ST3GAL3: variants seen among roughly 807,000 people sequenced by gnomAD.
ST3GAL3 encodes the protein CMP-N-acetylneuraminate-beta-1,4-galactoside alpha-2,3-sialyltransferase.
In ST3GAL3, 21 loss-of-function variants were observed where a neutral mutation model predicts 50.1. That is an observed-to-expected ratio of 0.42 (90% CI 0.30 to 0.60). The LOEUF (loss-of-function observed/expected upper bound fraction) is 0.60, where lower values mean the gene tolerates loss of function less well. ST3GAL3 is among the 20% of genes least tolerant of loss of function. The pLI is 0.19. For missense variants in ST3GAL3, 353 were observed against 489.4 expected (o/e 0.72, Z 2.63); for synonymous variants, 183 against 190.0 (o/e 0.96, Z 0.30).
chr1:43,920,398 C>T lies in ST3GAL3; in HGVS notation c.745-6C>T. ...TCGTTGAGGCCCGCTTTTGCTGTGT[C>T]CACAGAGTGCATCGGATGGCTTCTG... On this transcript the variant is annotated splice_region_variant and splice_polypyrimidine_tract_variant and intron_variant, in intron 9 of 11. Coordinates refer to ENST00000347631, the MANE Select transcript of ST3GAL3 (RefSeq NM_006279.5). The T allele has an allele frequency of 6.2e-7, 1 of 1,614,140 alleles. No individual in the cohort carries two copies. Among genetic ancestry groups the T allele is most frequent in the Non-Finnish European group, 8.5e-7 (1 of 1,180,014 alleles).
At chr1:43,854,917 T>G (rs1025061008) in intron 5 of ST3GAL3, among the ~76,000 whole-genome samples, 2 of 152,194 alleles carry the variant, frequency 1.3e-5, no homozygotes, top group African/African-American at 4.8e-5. Context: ...CCCTGAGCCC[T>G]GATTCTCCAA....
intron 3 of ST3GAL3, among the ~76,000 whole-genome samples, chr1:43,806,359 T>TG (rs1252377530): frequency 6.6e-6 from 1 of 151,444 alleles, no homozygotes; most frequent in Non-Finnish European, 1.5e-5. Flanking sequence ...AAGAAGGGAG[T>TG]GGCAGGAGAT....
chr1:43,755,367 A>C (rs555811080), intron 2 of ST3GAL3, among the ~76,000 whole-genome samples: 1 of 152,374 alleles, frequency 6.6e-6, no homozygotes, highest in African/African-American at 2.4e-5. Context: ...TGTTGGCTGG[A>C]ATGTGAGACT....
At chr1:43,756,931 G>A (rs996479331) in intron 2 of ST3GAL3, among the ~76,000 whole-genome samples, 5 of 152,008 alleles carry the variant, frequency 3.3e-5, no homozygotes, top group African/African-American at 9.7e-5. Flanking sequence ...TTGAGGCAGG[G>A]TCTCGCTCTG....
At chr1:43,875,685 C>T (rs2073922206) in intron 5 of ST3GAL3, among the ~76,000 whole-genome samples, 1 of 151,990 alleles carries the variant, frequency 6.6e-6, no homozygotes, top group Non-Finnish European at 1.5e-5. Flanking sequence ...TCACCTTCCG[C>T]CATGATTGTG....
chr1:43,877,411 A>G (rs1423220398), intron 5 of ST3GAL3, among the ~76,000 whole-genome samples: 2 of 152,158 alleles, frequency 1.3e-5, no homozygotes, highest in Non-Finnish European at 2.9e-5. Context: ...AGAAACACAC[A>G]GAGGCCACAT....
At chr1:43,726,173 C>G (rs1415200754) in intron 1 of ST3GAL3, among the ~76,000 whole-genome samples, 1 of 152,148 alleles carries the variant, frequency 6.6e-6, no homozygotes, top group African/African-American at 2.4e-5. Context: ...CCATATGTCC[C>G]CTTCAGCTAG....
chr1:43,926,725 C>T lies in ST3GAL3; in HGVS notation c.1039-3407C>T, dbSNP rs148532993. ...GATGACCAGAATCCTCCACCAGCCG[C>T]GGCCAGTTCAAAGCTCAGGTGAACT... On this transcript the variant is annotated intron_variant, in intron 11 of 11. Coordinates refer to ENST00000347631, the MANE Select transcript of ST3GAL3 (RefSeq NM_006279.5). Among the ~76,000 whole-genome samples the T allele has an allele frequency of 1.7e-3, 254 of 152,260 alleles. 1 individual carries two copies. The highest frequency in any genetic ancestry group is 5.7e-3 in the African/African-American group (237 of 41,542).
At chr1:43,710,865 C>T (rs1664385706) in intron 1 of ST3GAL3, among the ~76,000 whole-genome samples, 1 of 152,182 alleles carries the variant, frequency 6.6e-6, no homozygotes, top group South Asian at 2.1e-4. Flanking sequence ...TTAGAGTCTG[C>T]CTTTTTGCGA....
chr1:43,767,193 G>A (rs1693398230), intron 2 of ST3GAL3, among the ~76,000 whole-genome samples: 1 of 152,180 alleles, frequency 6.6e-6, no homozygotes, highest in South Asian at 2.1e-4. Flanking sequence ...GCTTGGAAAG[G>A]CCTTGTGGTG....
intron 2 of ST3GAL3, among the ~76,000 whole-genome samples, chr1:43,789,493 C>T: frequency 6.6e-6 from 1 of 152,024 alleles, no homozygotes; most frequent in East Asian, 1.9e-4. Context: ...GTGAATTATA[C>T]CTCAATAAAG....
At position 43,837,356 on chromosome 1, in the gene ST3GAL3, G is replaced by T. The variant is rs201821758; in HGVS notation, c.210-863G>T. Among the ~76,000 whole-genome samples, 3 of 129,544 alleles carry T rather than the reference G, an allele frequency of 2.3e-5. No individual in the cohort carries two copies. In the South Asian group the frequency reaches 7.4e-4, roughly 32 times the overall value. The allele number at this position is 129,544 out of a possible 152,430, so 85.0% of individuals were successfully genotyped here. On this transcript the variant is annotated intron_variant, in intron 4 of 11. Transcript: ENST00000347631. ...GGAATAACATTCCAGGCAGAGAGAG[G>T]AAACCATCCTCAACTAAAAGTCTAA...
chr1:43,734,946 T>A (rs1677740841), intron 1 of ST3GAL3, among the ~76,000 whole-genome samples: 1 of 151,962 alleles, frequency 6.6e-6, no homozygotes, highest in Non-Finnish European at 1.5e-5. Flanking sequence ...ATGCATCCTT[T>A]TACATCAAAG....
At position 43,748,813 on chromosome 1, in the gene ST3GAL3, C is replaced by T. The variant is rs766610103; in HGVS notation, c.118+12433C>T. Among the ~76,000 whole-genome samples the T allele has an allele frequency of 2.0e-5, 3 of 152,000 alleles. No individual in the cohort carries two copies. The South Asian group carries it at 6.2e-4, about 32-fold the overall frequency. Reference sequence around the variant, plus strand: ...TGAACTCCTGGCCTTAAGTGAAGATCCTCATTCTTTCAAGATTGATCTATA... The same window carrying T: ...TGAACTCCTGGCCTTAAGTGAAGATTCTCATTCTTTCAAGATTGATCTATA... On this transcript the variant is annotated intron_variant, in intron 2 of 11. Transcript: ENST00000347631.
chr1:43,854,698 C>T (rs1239624650), intron 5 of ST3GAL3, among the ~76,000 whole-genome samples: 5 of 152,222 alleles, frequency 3.3e-5, no homozygotes, highest in African/African-American at 1.2e-4. Context: ...GACTCAAAAG[C>T]ATCACAAGCT....
intron 5 of ST3GAL3, among the ~76,000 whole-genome samples, chr1:43,871,632 AT>A: frequency 1.2e-5 from 1 of 84,634 alleles, no homozygotes; most frequent in East Asian, 4.1e-4. Context: ...GAGGGAGAAG[AT>A]GGGGTGTGAG....
intron 5 of ST3GAL3, among the ~76,000 whole-genome samples, chr1:43,853,328 A>G (rs946965036): frequency 9.2e-5 from 14 of 152,354 alleles, no homozygotes; most frequent in African/African-American, 3.4e-4. Context: ...ACTTTGGATC[A>G]GGTCCCATGC....
intron 1 of ST3GAL3, chr1:43,716,599 G>A (rs1032494475): frequency 2.0e-5 from 3 of 152,114 alleles, no homozygotes; most frequent in Non-Finnish European, 2.9e-5. Context: ...CCATATTGAT[G>A]TCATCTGTAC....
intron 3 of ST3GAL3, among the ~76,000 whole-genome samples, chr1:43,810,478 G>A (rs960366430): frequency 6.6e-6 from 1 of 152,158 alleles, no homozygotes; most frequent in Non-Finnish European, 1.5e-5. Flanking sequence ...AATGGGGTCC[G>A]TGGCTCATTG....
Sources: allele counts gnomAD v4.1 joint callset (sites outside exome capture counted in the v4.1 genomes callset), GRCh38; gene constraint gnomAD v4.1.1; transcripts MANE v1.5; gene names NCBI Gene and HGNC (gene_info 2026-07-23, HGNC 2026-07-21).